SNTB1: variants seen among roughly 807,000 people sequenced by gnomAD.
The protein encoded by SNTB1 is beta-1-syntrophin.
SNTB1 carries 36 observed loss-of-function variants against 48.9 expected under a neutral mutation model. That is an observed-to-expected ratio of 0.74 (90% CI 0.56 to 0.97). The LOEUF (loss-of-function observed/expected upper bound fraction) is 0.97, where lower values mean the gene tolerates loss of function less well. SNTB1 is among the 50% of genes least tolerant of loss of function. SNTB1 has a pLI of 0.00. For missense variants in SNTB1, 786 were observed against 703.4 expected (o/e 1.12, Z -1.33); for synonymous variants, 299 against 294.6 (o/e 1.01, Z -0.15).
chr8:120,706,222 A>G (rs1818373998), intron 1 of SNTB1, among the ~76,000 whole-genome samples: 1 of 152,206 alleles, frequency 6.6e-6, no homozygotes, highest in Admixed American at 6.5e-5. Context: ...TCGGACTCTC[A>G]GAACTGTCAA....
At chr8:120,725,714 G>A (rs1206935829) in intron 1 of SNTB1, among the ~76,000 whole-genome samples, 2 of 152,160 alleles carry the variant, frequency 1.3e-5, no homozygotes, top group African/African-American at 4.8e-5. Flanking sequence ...AATTATGCCC[G>A]TGGAAGTGTT....
chr8:120,661,266 G>A (rs1364481717), intron 2 of SNTB1, among the ~76,000 whole-genome samples: 1 of 151,714 alleles, frequency 6.6e-6, no homozygotes, highest in Non-Finnish European at 1.5e-5. Context: ...CATGTACAGA[G>A]GAAAAGCAGA....
chr8:120,569,766 T>C (rs1346423766), intron 4 of SNTB1, among the ~76,000 whole-genome samples: 1 of 152,216 alleles, frequency 6.6e-6, no homozygotes, highest in African/African-American at 2.4e-5. Context: ...TAGCCACAGG[T>C]GGCTATTGGA....
chr8:120,658,181 G>A (rs566170277), intron 2 of SNTB1, among the ~76,000 whole-genome samples: 7 of 152,138 alleles, frequency 4.6e-5, no homozygotes, highest in Non-Finnish European at 7.4e-5. Flanking sequence ...ATAAAGATGT[G>A]TTACCTGTAG....
chr8:120,730,364 T>C (rs530797799), intron 1 of SNTB1, among the ~76,000 whole-genome samples: 1 of 152,242 alleles, frequency 6.6e-6, no homozygotes, highest in South Asian at 2.1e-4. Context: ...GTATTTTGTA[T>C]TTTTAGTAGA....
At chr8:120,724,142 CT>C (rs1399391942) in intron 1 of SNTB1, among the ~76,000 whole-genome samples, 1 of 152,214 alleles carries the variant, frequency 6.6e-6, no homozygotes, top group Non-Finnish European at 1.5e-5. Context: ...GTGTGCCAGC[CT>C]TTTTGCTGTA....
At position 120,785,245 on chromosome 8, in the gene SNTB1, C is replaced by T. The variant is rs1819904859; in HGVS notation, c.571+26028G>A. On this transcript the variant is annotated intron_variant, in intron 1 of 6. Coordinates refer to ENST00000517992, the MANE Select transcript of SNTB1 (RefSeq NM_021021.4). ...AGGAAGTGTGCTACAGCCATGGGCA[C>T]AGGAGTTGGCATTTCTGTTTCCTGG... Among the ~76,000 whole-genome samples the T allele has an allele frequency of 2.0e-5, 3 of 152,164 alleles. No homozygotes were observed. In the South Asian group the frequency reaches 6.2e-4, roughly 32 times the overall value.
chr8:120,645,913 T>C (rs1817288619), intron 2 of SNTB1, among the ~76,000 whole-genome samples: 1 of 123,592 alleles, frequency 8.1e-6, no homozygotes, highest in Non-Finnish European at 1.7e-5. Context: ...GGTATTTTAT[T>C]CTCTTTGAAG....
At chr8:120,807,618 C>T (rs949848681) in intron 1 of SNTB1, among the ~76,000 whole-genome samples, 2 of 152,232 alleles carry the variant, frequency 1.3e-5, no homozygotes, top group South Asian at 4.1e-4. Context: ...CATGTTACAG[C>T]AGCTTCGTTT....
intron 1 of SNTB1, among the ~76,000 whole-genome samples, chr8:120,797,201 C>A (rs886627120): frequency 3.3e-5 from 5 of 151,988 alleles, no homozygotes; most frequent in African/African-American, 1.2e-4. Flanking sequence ...CCTGTCATTT[C>A]ATATCTGAGG....
intron 1 of SNTB1, among the ~76,000 whole-genome samples, chr8:120,736,979 A>G (rs1406221759): frequency 6.6e-6 from 1 of 152,156 alleles, no homozygotes; most frequent in Non-Finnish European, 1.5e-5. Flanking sequence ...AAAGTTTGTA[A>G]CATGGAATTT....
intron 1 of SNTB1, among the ~76,000 whole-genome samples, chr8:120,787,701 T>C (rs1161903835): frequency 6.6e-6 from 1 of 151,930 alleles, no homozygotes; most frequent in Non-Finnish European, 1.5e-5. Context: ...TTAAAAGAAA[T>C]GAATAAAGTC....
At chr8:120,790,837 T>C (rs918255204) in intron 1 of SNTB1, among the ~76,000 whole-genome samples, 2 of 151,842 alleles carry the variant, frequency 1.3e-5, no homozygotes, top group South Asian at 2.1e-4. Flanking sequence ...ACAGATTCAA[T>C]TCAATTTCTA....
At chr8:120,786,728 G>C (rs1039250206) in intron 1 of SNTB1, among the ~76,000 whole-genome samples, 3 of 152,204 alleles carry the variant, frequency 2.0e-5, no homozygotes, top group Non-Finnish European at 2.9e-5. Context: ...CTGCTGGCTT[G>C]CAATGGAGGC....
chr8:120,725,649 A>T (rs530517537), intron 1 of SNTB1, among the ~76,000 whole-genome samples: 104 of 152,336 alleles, frequency 6.8e-4, no homozygotes, highest in Non-Finnish European at 1.1e-3. Context: ...ATAAAAGAGG[A>T]TTGAAGGAAA....
intron 3 of SNTB1, among the ~76,000 whole-genome samples, chr8:120,614,794 T>A (rs1403336550): frequency 6.6e-6 from 1 of 151,994 alleles, no homozygotes; most frequent in African/African-American, 2.4e-5. Flanking sequence ...AGTATGTTTT[T>A]TCCACCTCTA....
intron 1 of SNTB1, among the ~76,000 whole-genome samples, chr8:120,795,933 T>A (rs1820112962): frequency 1.3e-5 from 2 of 152,164 alleles, no homozygotes; most frequent in Middle Eastern, 3.4e-3. Context: ...CCAGTCTTAC[T>A]GGATTAGGGC....
Position 120,719,475 on chromosome 8 carries a change from A to AGGCACACTCCTAAG in SNTB1, c.572-25568_572-25567insCTTAGGAGTGTGCC, listed in dbSNP as rs1818618743. Among the ~76,000 whole-genome samples, 6 of 152,252 alleles carry AGGCACACTCCTAAG rather than the reference A, an allele frequency of 3.9e-5. No individual in the cohort carries two copies. In the South Asian group the frequency reaches 1.2e-3, roughly 32 times the overall value. On this transcript the variant is annotated intron_variant, in intron 1 of 6. Transcript: ENST00000517992. ...ATTGAATAAACTCCATTTTCTATTC[A>AGGCACACTCCTAAG]GGCACACTCCTAGTTTCTTAGAAGC...
At chr8:120,615,922 T>C (rs1816706943) in intron 3 of SNTB1, among the ~76,000 whole-genome samples, 1 of 152,212 alleles carries the variant, frequency 6.6e-6, no homozygotes, top group Non-Finnish European at 1.5e-5. Flanking sequence ...TATCTTTTCT[T>C]CTTTCTTTCC....
Sources: gnomAD v4.1 joint callset for allele counts (sites outside exome capture counted in the v4.1 genomes callset) on GRCh38, gnomAD v4.1.1 for gene constraint, MANE v1.5 for transcripts, NCBI Gene and HGNC (gene_info 2026-07-23, HGNC 2026-07-21) for gene names.